ZFHX3: variants seen among roughly 807,000 people sequenced by gnomAD.
ZFHX3 encodes zinc finger homeobox 3, also known as zinc finger homeobox protein 3.
ZFHX3 carries 42 observed loss-of-function variants against 279.1 expected under a neutral mutation model. The ratio of observed to expected loss-of-function variants is 0.15; its 90% confidence interval spans 0.12 to 0.19. ZFHX3 has a LOEUF of 0.19. Among genes scored for constraint, ZFHX3 ranks in the 10% least tolerant of loss-of-function variants. The probability of loss-of-function intolerance (pLI) is 1.00; values close to 1 mark genes in which losing one functional copy is unlikely to be tolerated. For synonymous variants in ZFHX3, 2,293 were observed against 1,957.8 expected (o/e 1.17, Z -4.52); for missense variants, 4,981 against 4,754.0 (o/e 1.05, Z -1.40).
At chr16:72,842,173 G>A (rs749010353) in intron 4 of ZFHX3, among the ~76,000 whole-genome samples, 3 of 152,108 alleles carry the variant, frequency 2.0e-5, no homozygotes, top group Non-Finnish European at 2.9e-5. Flanking sequence ...TACTTCAGAC[G>A]TCCCCAAACT....
intron 3 of ZFHX3, among the ~76,000 whole-genome samples, chr16:73,436,621 G>C (rs180690875): frequency 6.6e-6 from 1 of 152,250 alleles, no homozygotes; most frequent in East Asian, 1.9e-4. Context: ...AACCGTATCA[G>C]CTACCCACCC....
intron 6 of ZFHX3, among the ~76,000 whole-genome samples, chr16:73,132,036 A>G (rs1362435708): frequency 2.0e-5 from 3 of 152,254 alleles, no homozygotes; most frequent in African/African-American, 7.2e-5. Flanking sequence ...CTGTAATCCC[A>G]GTGCTTTAGG....
chr16:72,795,704 C>G lies in ZFHX3; in HGVS notation c.6978G>C (p.Leu2326Phe), dbSNP rs1349273721. The G allele has an allele frequency of 6.2e-7, 1 of 1,614,138 alleles. No individual in the cohort carries two copies. The highest frequency in any genetic ancestry group is 1.7e-5 in the Admixed American group (1 of 60,022). The change falls in exon 9 of 10, where the codon TTG (leucine) becomes TTC (phenylalanine). Residue 2326 changes from leucine (L) to phenylalanine (F), a missense_variant. Physicochemically the swap from Leu to Phe is conservative, Grantham distance 22. This residue lies in a region of ZFHX3 where 177 missense variants were observed against 244.2 expected (regional missense o/e 0.72). Coordinates refer to ENST00000268489, the MANE Select transcript of ZFHX3 (RefSeq NM_006885.4). ...TNDRYIRTSN[L>F]NYQCKKCSLV... ...GGCTACATTTTTTGCACTGGTAGTT[C>G]AAGTTGCTTGTTCGAATGTATCTAT...
intron 2 of ZFHX3, among the ~76,000 whole-genome samples, chr16:73,512,470 T>C (rs1433129050): frequency 7.5e-6 from 1 of 132,940 alleles, no homozygotes; most frequent in Non-Finnish European, 1.6e-5. Context: ...AAAAAAAGAA[T>C]GGATCTATAC....
intron 3 of ZFHX3, among the ~76,000 whole-genome samples, chr16:73,428,532 C>G (rs1232367224): frequency 6.6e-6 from 1 of 152,176 alleles, no homozygotes; most frequent in Non-Finnish European, 1.5e-5. Context: ...CCAGCGAGGA[C>G]AGCCTGGGTC....
intron 2 of ZFHX3, among the ~76,000 whole-genome samples, chr16:73,508,305 A>C (rs1157100876): frequency 6.6e-6 from 1 of 152,168 alleles, no homozygotes; most frequent in Non-Finnish European, 1.5e-5. Flanking sequence ...TCCAGTATTG[A>C]CTGCCCTTTT....
intron 2 of ZFHX3, among the ~76,000 whole-genome samples, chr16:73,463,310 A>G (rs2018504803): frequency 6.6e-6 from 1 of 152,344 alleles, no homozygotes; most frequent in Non-Finnish European, 1.5e-5. Flanking sequence ...AGAAAACTGA[A>G]GTACAGAGAA....
chr16:73,224,210 C>G (rs987967894), intron 5 of ZFHX3, among the ~76,000 whole-genome samples: 4 of 152,088 alleles, frequency 2.6e-5, no homozygotes, highest in Non-Finnish European at 5.9e-5. Flanking sequence ...TGTAGATTTA[C>G]CAGTTGTAAG....
chr16:73,473,625 C>A (rs2018714637), intron 2 of ZFHX3, among the ~76,000 whole-genome samples: 1 of 152,294 alleles, frequency 6.6e-6, no homozygotes, highest in Admixed American at 6.5e-5. Flanking sequence ...CTGCTTCCAC[C>A]TCTCTGAAGC....
At chr16:73,206,358 A>C (rs2011803023) in intron 5 of ZFHX3, among the ~76,000 whole-genome samples, 2 of 152,188 alleles carry the variant, frequency 1.3e-5, no homozygotes, top group Non-Finnish European at 2.9e-5. Flanking sequence ...CTGGGGAGGC[A>C]TGGGAGATAG....
intron 4 of ZFHX3, among the ~76,000 whole-genome samples, chr16:73,306,988 C>A (rs1408583440): frequency 6.6e-6 from 1 of 152,232 alleles, no homozygotes; most frequent in Non-Finnish European, 1.5e-5. Flanking sequence ...GGGACCAGTT[C>A]ATTTCCTACA....
intron 2 of ZFHX3, among the ~76,000 whole-genome samples, chr16:73,607,893 A>T (rs1453612232): frequency 6.6e-6 from 1 of 152,038 alleles, no homozygotes; most frequent in Non-Finnish European, 1.5e-5. Context: ...AACATGGCAA[A>T]ACCCTGTCAC....
intron 4 of ZFHX3, among the ~76,000 whole-genome samples, chr16:72,854,573 C>A (rs945930809): frequency 2.0e-5 from 3 of 152,022 alleles, no homozygotes; most frequent in African/African-American, 4.8e-5. Context: ...TGGTCCTGGA[C>A]AAATGAGAGC....
chr16:73,482,255 C>A (rs1477847597), intron 2 of ZFHX3, among the ~76,000 whole-genome samples: 1 of 152,200 alleles, frequency 6.6e-6, no homozygotes, highest in East Asian at 1.9e-4. Context: ...GTCCCTACTC[C>A]TGCAGCCACA....
chr16:73,654,554 T>A (rs1426101947), intron 2 of ZFHX3, among the ~76,000 whole-genome samples: 1 of 152,114 alleles, frequency 6.6e-6, no homozygotes, highest in Non-Finnish European at 1.5e-5. Context: ...AACATAGATA[T>A]GAAATTCCTA....
chr16:73,467,162 T>C (rs918086679), intron 2 of ZFHX3, among the ~76,000 whole-genome samples: 1 of 152,034 alleles, frequency 6.6e-6, no homozygotes, highest in Non-Finnish European at 1.5e-5. Flanking sequence ...AAAAATGGGA[T>C]GAATCAGGAG....
chr16:73,483,226 C>G, intron 2 of ZFHX3: 1 of 359,690 alleles, frequency 2.8e-6, no homozygotes, highest in Non-Finnish European at 5.4e-6. Flanking sequence ...CAAGTGCCAG[C>G]GCACGCCTGG....
At chr16:73,649,135 T>C (rs918392642) in intron 2 of ZFHX3, among the ~76,000 whole-genome samples, 3 of 152,266 alleles carry the variant, frequency 2.0e-5, no homozygotes, top group Admixed American at 2.0e-4. Flanking sequence ...TAACTATCTC[T>C]GCTTCAGAGA....
intron 6 of ZFHX3, chr16:73,137,331 A>G (rs1003658355): frequency 6.6e-6 from 1 of 152,138 alleles, no homozygotes; most frequent in Admixed American, 6.6e-5. Context: ...AGGGACTGTA[A>G]ACCCACCGCA....
Sources: allele counts gnomAD v4.1 joint callset (sites outside exome capture counted in the v4.1 genomes callset), GRCh38; gene constraint gnomAD v4.1.1; regional missense constraint gnomAD v4.1.1; transcripts MANE v1.5; gene names NCBI Gene and HGNC (gene_info 2026-07-23, HGNC 2026-07-21).